The following TLE2 variants were observed in gnomAD, a reference collection of about 807,000 sequenced individuals.
The protein encoded by TLE2 is transducin-like enhancer protein 2.
TLE2 carries 74 observed loss-of-function variants against 97.2 expected under a neutral mutation model. That is an observed-to-expected ratio of 0.76 (90% CI 0.63 to 0.92). The LOEUF (loss-of-function observed/expected upper bound fraction) is 0.92. Among genes scored for constraint, TLE2 ranks in the 40% least tolerant of loss-of-function variants. The pLI is 0.00. For missense variants in TLE2, 1,038 were observed against 1,008.7 expected (o/e 1.03, Z -0.39); for synonymous variants, 499 against 432.1 (o/e 1.15, Z -1.92).
intron 17 of TLE2, among the ~76,000 whole-genome samples, chr19:3,003,938 C>A (rs1482365668): frequency 6.6e-6 from 1 of 152,090 alleles, no homozygotes; most frequent in East Asian, 1.9e-4. Context: ...AACTCCTGAC[C>A]TCAAGTGATC....
intron 1 of TLE2, among the ~76,000 whole-genome samples, chr19:3,035,886 G>GA (rs556652926): frequency 1.3e-5 from 2 of 151,856 alleles, no homozygotes; most frequent in Admixed American, 1.3e-4. Context: ...ATTGGAGGAG[G>GA]GGGGGCTAAG....
intron 1 of TLE2, among the ~76,000 whole-genome samples, chr19:3,042,794 G>C (rs1022930698): frequency 8.5e-5 from 13 of 152,074 alleles, no homozygotes; most frequent in Admixed American, 7.2e-4. Context: ...GTACTAGCTC[G>C]GAAGTCGGTT....
At chr19:3,032,753 A>T (rs2090034901), upstream of TLE2, among the ~76,000 whole-genome samples, 1 of 151,860 alleles carries the variant, frequency 6.6e-6, no homozygotes, top group African/African-American at 2.4e-5. The surrounding 1 kb of genome is among the most constrained non-coding windows in gnomAD (Gnocchi z 4.1). Flanking sequence ...CCATCATTCT[A>T]CGCTGTCAAG....
At chr19:3,021,469 G>T (rs1165069723) in intron 5 of TLE2, among the ~76,000 whole-genome samples, 1 of 152,184 alleles carries the variant, frequency 6.6e-6, no homozygotes, top group Non-Finnish European at 1.5e-5. Flanking sequence ...CTGGCCATGT[G>T]TGTGGCCACC....
Position 2,997,704 on chromosome 19 carries a change from G to A in TLE2, c.*144C>T, listed in dbSNP as rs1232742743. The A allele has an allele frequency of 9.7e-6, 6 of 621,128 alleles. No individual in the cohort carries two copies. The highest frequency in any genetic ancestry group is 1.5e-5 in the Non-Finnish European group (5 of 340,836). The allele number at this position is 621,128 out of a possible 1,614,324, so 38.5% of individuals were successfully genotyped here. On this transcript the variant is annotated 3_prime_UTR_variant, in exon 20 of 20. Transcript: ENST00000262953. The stretch of plus-strand genomic sequence containing the variant: ...TGCCCATCGGCCCCCACATGCAGCA[G>A]GGGAAGGTGTGAAGCCGTTGGCCAG...
chr19:3,006,123 A>G, intron 15 of TLE2, 155 bp from the exon 16 acceptor site: 2 of 1,001,592 alleles, frequency 2.0e-6, no homozygotes, highest in Non-Finnish European at 3.2e-6. Flanking sequence ...CGCCCCTTTG[A>G]CCTGCAAACA....
chr19:3,027,964 G>GAACCTGGGGACTCTT, intron 3 of TLE2, 91 bp from the exon 4 acceptor site: 1 of 1,304,146 alleles, frequency 7.7e-7, no homozygotes, highest in Non-Finnish European at 1.1e-6. Flanking sequence ...AGAGTCCCCA[G>GAACCTGGGGACTCTT]GTTCAGGGGA....
rs540696472 is a variant in TLE2 at position 3,045,702 on chromosome 19, G to GCGCCTGTAATCCCAGCTACT, written c.63+4_63+23dup. ...CAAAATTAACCAGGTGTGGTGGCGG[G>GCGCCTGTAATCCCAGCTACT]CGCCTGTAATCCCAGCTACTCGCCT... On this transcript the variant is annotated intron_variant, in intron 1 of 18. Coordinates refer to the TLE2 transcript ENST00000426948. The GCGCCTGTAATCCCAGCTACT allele has an allele frequency of 5.3e-4, 227 of 432,028 alleles. 1 individual carries two copies. The highest frequency in any genetic ancestry group is 4.2e-3 in the African/African-American group (209 of 49,574). The allele number at this position is 432,028 out of a possible 1,614,324, so 26.8% of individuals were successfully genotyped here.
At chr19:3,018,938 AT>A (rs2089777855) in intron 7 of TLE2, among the ~76,000 whole-genome samples, 1 of 151,484 alleles carries the variant, frequency 6.6e-6, no homozygotes, top group African/African-American at 2.4e-5. Flanking sequence ...TAATTTTTAA[AT>A]TTTTCATAGA....
chr19:3,017,455 T>TC (rs941903086), intron 8 of TLE2, among the ~76,000 whole-genome samples: 5 of 147,188 alleles, frequency 3.4e-5, no homozygotes, highest in Non-Finnish European at 6.0e-5. Context: ...TTTCTTTCTT[T>TC]TTTTTTTTTT....
intron 1 of TLE2, among the ~76,000 whole-genome samples, chr19:3,040,325 T>G (rs752274437): frequency 2.6e-5 from 4 of 152,128 alleles, no homozygotes; most frequent in Non-Finnish European, 5.9e-5. Context: ...TGGCCCAATC[T>G]GAATCTTCTT....
At position 3,024,423 on chromosome 19, in the gene TLE2, A is replaced by C. The variant is rs2145198087; in HGVS notation, c.294+597T>G. On this transcript the variant is annotated intron_variant, in intron 5 of 19. Transcript: ENST00000262953. The stretch of plus-strand genomic sequence containing the variant: ...GAATTTTCCCATCTTCCCAAACTGA[A>C]TTTCTGTCCCCATAAAACTCTCACT... 1.3e-5 allele frequency among the ~76,000 whole-genome samples: 2 copies of C among 151,906 alleles called. 1 individual carries two copies. The highest frequency in any genetic ancestry group is 4.2e-4 in the South Asian group (2 of 4,812).
At chr19:3,004,226 G>C (rs1007765573) in intron 17 of TLE2, among the ~76,000 whole-genome samples, 1 of 152,192 alleles carries the variant, frequency 6.6e-6, no homozygotes, top group Non-Finnish European at 1.5e-5. Context: ...CACCCAGTGA[G>C]CTAGGAGATA....
At chr19:3,022,401 T>C (rs922559501) in intron 5 of TLE2, among the ~76,000 whole-genome samples, 2 of 151,336 alleles carry the variant, frequency 1.3e-5, no homozygotes, top group African/African-American at 4.8e-5. Context: ...TGATGGTGGG[T>C]GCCTGTAATC....
intron 5 of TLE2, among the ~76,000 whole-genome samples, chr19:3,023,579 A>C (rs1356704303): frequency 6.6e-6 from 1 of 152,154 alleles, no homozygotes; most frequent in African/African-American, 2.4e-5. Context: ...CTCTCTGAAG[A>C]GAGAACGTAC....
intron 7 of TLE2, among the ~76,000 whole-genome samples, chr19:3,018,262 GC>G (rs1319840454): frequency 6.6e-6 from 1 of 152,074 alleles, no homozygotes; most frequent in Non-Finnish European, 1.5e-5. Flanking sequence ...CTCCCGAGTA[GC>G]TGGGACTCCA....
rs71337196 is a variant in TLE2 at position 3,043,364 on chromosome 19, C to CTTT, written c.63+2359_63+2361dup. Among the ~76,000 whole-genome samples the CTTT allele has an allele frequency of 4.2e-3, 452 of 108,856 alleles. 7 individuals are homozygous for CTTT. Among genetic ancestry groups the CTTT allele is most frequent in the African/African-American group, 0.01 (262 of 25,282 alleles). The allele number at this position is 108,856 out of a possible 152,430, so 71.4% of individuals were successfully genotyped here. A position where few individuals can be genotyped will look rare whatever the true frequency, so the allele number is the denominator to read the frequency against. On this transcript the variant is annotated intron_variant, in intron 1 of 18. Coordinates refer to the TLE2 transcript ENST00000426948. ...CCATGGCACCCGGCCCCTTCTGCAGCTTTTTTTTTTTTTTTTTTTTTTTGA... is the reference window on the plus strand; with the variant it reads ...CCATGGCACCCGGCCCCTTCTGCAGCTTTTTTTTTTTTTTTTTTTTTTTTTTGA...
In TLE2 at chr19:3,014,621, G is replaced by C; in HGVS notation, c.679-7C>G. On this transcript the variant is annotated splice_region_variant and splice_polypyrimidine_tract_variant and intron_variant, in intron 9 of 19. Transcript: ENST00000262953. ...TCTTGTCTTCGTCGCTTTCCTGGGG[G>C]AAGATGGGGGAGAGAGCTCATTGTG... 6.3e-7 allele frequency: 1 copy of C among 1,590,526 alleles called. No individual in the cohort carries two copies. Among genetic ancestry groups the C allele is most frequent in the Admixed American group, 1.7e-5 (1 of 57,326 alleles).
chr19:3,003,254 G>C (rs1251639388), intron 17 of TLE2, among the ~76,000 whole-genome samples: 1 of 152,186 alleles, frequency 6.6e-6, no homozygotes, highest in African/African-American at 2.4e-5. Flanking sequence ...GACAGAGAAG[G>C]GAACAGCCAG....
Sources: allele counts gnomAD v4.1 joint callset (sites outside exome capture counted in the v4.1 genomes callset), GRCh38; gene constraint gnomAD v4.1.1; non-coding constraint Gnocchi (gnomAD v3.1); transcripts MANE v1.5; gene names NCBI Gene and HGNC (gene_info 2026-07-23, HGNC 2026-07-21).